Variants in PIP5K1B observed in about 807,000 individuals in gnomAD.
PIP5K1B encodes phosphatidylinositol 4-phosphate 5-kinase type-1 beta.
Under a neutral mutation model 67.0 loss-of-function variants are expected in PIP5K1B, and 42 were observed. That is an observed-to-expected ratio of 0.63 (90% CI 0.49 to 0.81). The LOEUF is 0.81. PIP5K1B is among the 30% of genes least tolerant of loss of function. The pLI, the probability that PIP5K1B is intolerant of heterozygous loss-of-function variation, is 0.00. For synonymous variants in PIP5K1B, 214 were observed against 231.4 expected (o/e 0.92, Z 0.68); for missense variants, 459 against 646.3 (o/e 0.71, Z 3.14).
chr9:68,713,375 G>A (rs769658144), intron 1 of PIP5K1B, among the ~76,000 whole-genome samples: 5 of 152,114 alleles, frequency 3.3e-5, no homozygotes, highest in African/African-American at 1.2e-4. Context: ...CTCCAGCCTG[G>A]GTGACAAGAG....
At chr9:68,796,223 A>T (rs1337840209) in intron 2 of PIP5K1B, among the ~76,000 whole-genome samples, 3 of 152,008 alleles carry the variant, frequency 2.0e-5, no homozygotes, top group African/African-American at 7.2e-5. Flanking sequence ...CATTTTTTTG[A>T]TAGTTGCATT....
At chr9:68,994,890 A>G (rs1253963270) in intron 15 of PIP5K1B, among the ~76,000 whole-genome samples, 7 of 152,138 alleles carry the variant, frequency 4.6e-5, no homozygotes, top group Non-Finnish European at 8.8e-5. Context: ...AGATATAGAA[A>G]TAAGATTTTC....
chr9:68,733,214 G>C (rs1263538288), intron 1 of PIP5K1B, among the ~76,000 whole-genome samples: 1 of 152,186 alleles, frequency 6.6e-6, no homozygotes, highest in Non-Finnish European at 1.5e-5. Context: ...GAACCTTGCT[G>C]CTTGCCGTCT....
chr9:68,724,949 A>G (rs1362749796), intron 1 of PIP5K1B, among the ~76,000 whole-genome samples: 1 of 152,158 alleles, frequency 6.6e-6, no homozygotes, highest in Non-Finnish European at 1.5e-5. Flanking sequence ...TGTACCTCAA[A>G]CTAAAAGTGC....
intron 2 of PIP5K1B, among the ~76,000 whole-genome samples, chr9:68,814,789 C>T (rs1012097541): frequency 6.6e-6 from 1 of 152,116 alleles, no homozygotes; most frequent in Non-Finnish European, 1.5e-5. Context: ...CACTTCACTC[C>T]AGCCTGAGCA....
intron 15 of PIP5K1B, among the ~76,000 whole-genome samples, chr9:68,995,746 G>A (rs573989409): frequency 3.2e-4 from 49 of 151,224 alleles, no homozygotes; most frequent in Non-Finnish European, 5.5e-4. Context: ...CAGAGGTTGC[G>A]GTGAGCCAAG....
intron 2 of PIP5K1B, among the ~76,000 whole-genome samples, chr9:68,752,314 G>T (rs1308936217): frequency 1.3e-5 from 2 of 152,180 alleles, no homozygotes; most frequent in African/African-American, 4.8e-5. Flanking sequence ...CAGTGTTAGA[G>T]ATCTTCAAGT....
At chr9:68,913,355 C>T (rs1258658906) in intron 8 of PIP5K1B, among the ~76,000 whole-genome samples, 1 of 152,180 alleles carries the variant, frequency 6.6e-6, no homozygotes, top group Non-Finnish European at 1.5e-5. Context: ...GAAATGTGCA[C>T]CTGAGTGATG....
chr9:68,827,971 CAG>C (rs1419546869), intron 4 of PIP5K1B, among the ~76,000 whole-genome samples: 3 of 152,128 alleles, frequency 2.0e-5, no homozygotes, highest in Non-Finnish European at 4.4e-5. Flanking sequence ...CCAAAACAAA[CAG>C]ATGTCAGGGT....
chr9:68,887,209 T>C (rs1357450346), intron 6 of PIP5K1B, among the ~76,000 whole-genome samples: 1 of 152,258 alleles, frequency 6.6e-6, no homozygotes, highest in Non-Finnish European at 1.5e-5. Flanking sequence ...TTCTGATGTG[T>C]AATGTATTTA....
intron 4 of PIP5K1B, among the ~76,000 whole-genome samples, chr9:68,862,965 G>A (rs1340375838): frequency 6.6e-6 from 1 of 151,910 alleles, no homozygotes; most frequent in Non-Finnish European, 1.5e-5. Flanking sequence ...GTGGGGAGGT[G>A]GGGATGGGTC....
chr9:68,838,685 A>C lies in PIP5K1B; in HGVS notation c.69+16002A>C, dbSNP rs780506292. ...GGGGTGACAGGATTGATTGCACCCC[A>C]AACCTCAGCATCGCACATTATACCT... On this transcript the variant is annotated intron_variant, in intron 4 of 15. Transcript: ENST00000265382. 1.3e-3 allele frequency among the ~76,000 whole-genome samples: 201 copies of C among 152,320 alleles called. 6 individuals are homozygous for C. Among genetic ancestry groups the C allele is most frequent in the South Asian group, 1.7e-3 (8 of 4,816 alleles).
chr9:68,738,023 A>G (rs1011251310), intron 1 of PIP5K1B, among the ~76,000 whole-genome samples: 7 of 152,240 alleles, frequency 4.6e-5, no homozygotes. Context: ...TTCTATTCAT[A>G]TGCCATAACA....
chr9:68,940,276 T>C (rs1254579091), intron 13 of PIP5K1B, among the ~76,000 whole-genome samples: 2 of 152,232 alleles, frequency 1.3e-5, no homozygotes, highest in Non-Finnish European at 2.9e-5. Context: ...AAAGGTTCAC[T>C]GTCTGTTTAT....
At chr9:68,995,339 A>G (rs1337221352) in intron 15 of PIP5K1B, among the ~76,000 whole-genome samples, 1 of 152,192 alleles carries the variant, frequency 6.6e-6, no homozygotes, top group Non-Finnish European at 1.5e-5. Context: ...CACATTCTTT[A>G]AACTTAAATT....
At chr9:68,782,073 T>A (rs1361249590) in intron 2 of PIP5K1B, 2 of 167,238 alleles carry the variant, frequency 1.2e-5, no homozygotes, top group East Asian at 3.9e-4. Flanking sequence ...GGTTTTCCCT[T>A]GTTCAGGAAG....
intron 2 of PIP5K1B, among the ~76,000 whole-genome samples, chr9:68,764,060 C>A (rs1026684925): frequency 2.0e-5 from 3 of 148,794 alleles, no homozygotes; most frequent in Non-Finnish European, 4.4e-5. Flanking sequence ...TTGGACACCC[C>A]TCTACTATAA....
intron 1 of PIP5K1B, among the ~76,000 whole-genome samples, chr9:68,734,059 C>T (rs951860557): frequency 6.6e-6 from 1 of 152,116 alleles, no homozygotes; most frequent in South Asian, 2.1e-4. Flanking sequence ...TCCATGCAAC[C>T]CCACGAAAGT....
chr9:68,928,727 A>G (rs557980971), intron 12 of PIP5K1B, among the ~76,000 whole-genome samples: 32 of 152,308 alleles, frequency 2.1e-4, no homozygotes, highest in African/African-American at 7.2e-4. Flanking sequence ...GCTACAGTGG[A>G]AAATAGTCCT....
Sources: gnomAD v4.1 joint callset for allele counts (sites outside exome capture counted in the v4.1 genomes callset) on GRCh38, gnomAD v4.1.1 for gene constraint, MANE v1.5 for transcripts, NCBI Gene and HGNC (gene_info 2026-07-23, HGNC 2026-07-21) for gene names.